SLC4A4: variants seen among roughly 807,000 people sequenced by gnomAD.
The protein encoded by SLC4A4 is solute carrier family 4 member 4, also known as electrogenic sodium bicarbonate cotransporter 1.
SLC4A4 carries 27 observed loss-of-function variants against 111.5 expected under a neutral mutation model. The observed-to-expected ratio is 0.24, with a 90% CI of 0.18 to 0.33. The LOEUF is 0.33. Among genes scored for constraint, SLC4A4 ranks in the 10% least tolerant of loss-of-function variants. The probability of loss-of-function intolerance (pLI) is 1.00; values close to 1 mark genes in which losing one functional copy is unlikely to be tolerated. For synonymous variants in SLC4A4, 443 were observed against 463.4 expected (o/e 0.96, Z 0.57); for missense variants, 909 against 1,315.5 (o/e 0.69, Z 4.78).
chr4:71,164,893 G>T (rs546687212), intron 2 of SLC4A4, among the ~76,000 whole-genome samples: 47 of 152,270 alleles, frequency 3.1e-4, no homozygotes, highest in Non-Finnish European at 5.6e-4. Flanking sequence ...GTGGGCAAAA[G>T]ATAGGAACAG....
At chr4:71,167,856 C>T (rs1186272356) in intron 2 of SLC4A4, among the ~76,000 whole-genome samples, 1 of 152,094 alleles carries the variant, frequency 6.6e-6, no homozygotes, top group African/African-American at 2.4e-5. Flanking sequence ...TCAACAAGTT[C>T]ACTTAGTTCT....
chr4:71,406,685 G>A (rs577636726), intron 7 of SLC4A4, among the ~76,000 whole-genome samples: 1 of 147,746 alleles, frequency 6.8e-6, no homozygotes, highest in Non-Finnish European at 1.5e-5. Flanking sequence ...AAGGACAGCA[G>A]TAATGTTTTC....
chr4:71,300,800 G>T lies in SLC4A4; in HGVS notation c.254-38570G>T, dbSNP rs116693479. On this transcript the variant is annotated intron_variant, in intron 3 of 25. Coordinates refer to ENST00000264485, the MANE Select transcript of SLC4A4 (RefSeq NM_001098484.3). ...CAGACCCCCGCAGCCATCTGCAGCA[G>T]CAGTGCAAACCCCTGAGGTGCAGAG... is the stretch of plus-strand genomic sequence containing the variant. The T allele has an allele frequency of 1.6e-3, 586 of 368,538 alleles. 2 individuals are homozygous for T. Among genetic ancestry groups the T allele is most frequent in the African/African-American group, 0.012 (559 of 47,034 alleles). 22.8% of individuals were successfully genotyped at this position (368,538 alleles called of 1,614,324 possible). A position where few individuals can be genotyped will look rare whatever the true frequency, so the allele number is the denominator to read the frequency against.
At chr4:71,272,476 A>G (rs981647278) in intron 3 of SLC4A4, among the ~76,000 whole-genome samples, 2 of 152,160 alleles carry the variant, frequency 1.3e-5, no homozygotes, top group Non-Finnish European at 2.9e-5. Context: ...TCTAATTAGC[A>G]TGTGCTTTAC....
At chr4:71,235,152 A>T (rs1165070915) in intron 1 of SLC4A4, among the ~76,000 whole-genome samples, 6 of 152,204 alleles carry the variant, frequency 3.9e-5, no homozygotes, top group African/African-American at 1.4e-4. Context: ...AAAAACTGAG[A>T]CTTAAAAAAG....
At chr4:71,145,244 T>G (rs900983072) in intron 2 of SLC4A4, among the ~76,000 whole-genome samples, 7 of 152,204 alleles carry the variant, frequency 4.6e-5, no homozygotes, top group Non-Finnish European at 1.0e-4. Context: ...TATGCTGGAT[T>G]ACGTTTATTG....
chr4:71,204,832 G>C (rs1323895410), intron 1 of SLC4A4, among the ~76,000 whole-genome samples: 1 of 152,170 alleles, frequency 6.6e-6, no homozygotes, highest in Non-Finnish European at 1.5e-5. Context: ...TAGTTGCACT[G>C]TATGACATAT....
At chr4:71,124,667 A>ATT (rs1372556380) in intron 2 of SLC4A4, among the ~76,000 whole-genome samples, 1 of 152,268 alleles carries the variant, frequency 6.6e-6, no homozygotes, top group African/African-American at 2.4e-5. Context: ...TGCCTCTTGA[A>ATT]TAGCATTGCT....
intron 18 of SLC4A4, among the ~76,000 whole-genome samples, chr4:71,544,816 A>C (rs1168725719): frequency 6.6e-6 from 1 of 151,872 alleles, no homozygotes; most frequent in Non-Finnish European, 1.5e-5. Flanking sequence ...TATTTTATTT[A>C]TTTATGGTAT....
At chr4:71,149,468 T>C (rs762623567) in intron 2 of SLC4A4, among the ~76,000 whole-genome samples, 5 of 152,100 alleles carry the variant, frequency 3.3e-5, no homozygotes, top group Non-Finnish European at 7.4e-5. Flanking sequence ...ATTAAAAGCA[T>C]TGGGTGTGAG....
chr4:71,398,044 G>A (rs2148979531), intron 7 of SLC4A4, among the ~76,000 whole-genome samples: 1 of 152,202 alleles, frequency 6.6e-6, no homozygotes, highest in East Asian at 1.9e-4. Flanking sequence ...ACAGCACTTT[G>A]GGAGGCTGAG....
At chr4:71,401,189 T>C (rs1720326313) in intron 7 of SLC4A4, among the ~76,000 whole-genome samples, 1 of 152,242 alleles carries the variant, frequency 6.6e-6, no homozygotes, top group Admixed American at 6.5e-5. Context: ...TTTGAGGGCA[T>C]ATTTTTTATG....
intron 1 of SLC4A4, among the ~76,000 whole-genome samples, chr4:71,198,300 C>A (rs1327583279): frequency 6.6e-6 from 1 of 152,170 alleles, no homozygotes; most frequent in African/African-American, 2.4e-5. Context: ...TGTTTCACTA[C>A]TCCTTAATAT....
chr4:71,366,721 T>C (rs563774072), intron 6 of SLC4A4, among the ~76,000 whole-genome samples: 73 of 152,224 alleles, frequency 4.8e-4, no homozygotes, highest in East Asian at 9.7e-4. Flanking sequence ...ATCATTACCA[T>C]GGTATAATTA....
chr4:71,314,259 A>G (rs185013253), intron 3 of SLC4A4, among the ~76,000 whole-genome samples: 1 of 152,182 alleles, frequency 6.6e-6, no homozygotes, highest in African/African-American at 2.4e-5. Context: ...ATCACTAAAA[A>G]GTCTGGAAAC....
chr4:71,399,344 A>C (rs981437573), intron 7 of SLC4A4, among the ~76,000 whole-genome samples: 1 of 152,060 alleles, frequency 6.6e-6, no homozygotes, highest in Non-Finnish European at 1.5e-5. Context: ...TTTAACTGAC[A>C]GCACTTGTAG....
At chr4:71,232,532 C>G (rs1461997922) in intron 1 of SLC4A4, among the ~76,000 whole-genome samples, 1 of 152,172 alleles carries the variant, frequency 6.6e-6, no homozygotes, top group African/African-American at 2.4e-5. Context: ...CTATCTCAGC[C>G]TCCCACGTAG....
At chr4:71,401,178 A>C (rs1297678139) in intron 7 of SLC4A4, among the ~76,000 whole-genome samples, 1 of 152,230 alleles carries the variant, frequency 6.6e-6, no homozygotes, top group Non-Finnish European at 1.5e-5. Context: ...TAGTGACAGA[A>C]TTTGAGGGCA....
At chr4:71,075,665 A>C (rs1226979944) in intron 1 of SLC4A4, among the ~76,000 whole-genome samples, 2 of 152,042 alleles carry the variant, frequency 1.3e-5, no homozygotes, top group African/African-American at 4.8e-5. Context: ...TTGGCTGACT[A>C]CCCAATCTGA....
Sources: gnomAD v4.1 joint callset for allele counts (sites outside exome capture counted in the v4.1 genomes callset) on GRCh38, gnomAD v4.1.1 for gene constraint, MANE v1.5 for transcripts, NCBI Gene and HGNC (gene_info 2026-07-23, HGNC 2026-07-21) for gene names.